The following NFAT5 variants were observed in gnomAD, a reference collection of about 807,000 sequenced individuals.
The protein encoded by NFAT5 is nuclear factor of activated T-cells 5.
In NFAT5, 31 loss-of-function variants were observed where a neutral mutation model predicts 166.5. That is an observed-to-expected ratio of 0.19 (90% confidence interval 0.14 to 0.25). NFAT5 has a LOEUF of 0.25. Among genes scored for constraint, NFAT5 ranks in the 10% least tolerant of loss-of-function variants. The pLI is 1.00. For synonymous variants in NFAT5, 612 were observed against 639.7 expected (o/e 0.96, Z 0.65); for missense variants, 1,449 against 1,821.8 (o/e 0.80, Z 3.72).
At chr16:69,658,801 T>C (rs1250027740) in intron 6 of NFAT5, among the ~76,000 whole-genome samples, 1 of 152,108 alleles carries the variant, frequency 6.6e-6, no homozygotes, top group Non-Finnish European at 1.5e-5. Context: ...CGCTCAGGCC[T>C]GGGTGACAGA....
chr16:69,624,951 G>A (rs1473039300), intron 2 of NFAT5, among the ~76,000 whole-genome samples: 1 of 150,998 alleles, frequency 6.6e-6, no homozygotes, highest in Non-Finnish European at 1.5e-5. Context: ...CCAGGCTGGA[G>A]TGCAATGGCG....
intron 5 of NFAT5, among the ~76,000 whole-genome samples, chr16:69,653,779 C>T (rs1036791647): frequency 2.6e-5 from 4 of 151,882 alleles, no homozygotes. Flanking sequence ...ACCATGTTGG[C>T]GAGACTGGTC....
At chr16:69,571,866 TCTC>T (rs1487946474) in intron 2 of NFAT5, among the ~76,000 whole-genome samples, 2 of 152,066 alleles carry the variant, frequency 1.3e-5, no homozygotes, top group Non-Finnish European at 2.9e-5. Context: ...TTCACGCCAT[TCTC>T]CTGCCTCAGC....
intron 1 of NFAT5, among the ~76,000 whole-genome samples, chr16:69,567,880 TG>T (rs1464894602): frequency 6.6e-6 from 1 of 152,230 alleles, no homozygotes; most frequent in East Asian, 1.9e-4. Flanking sequence ...TAACACCATT[TG>T]GGGAGTAATC....
In NFAT5 at chr16:69,566,032, G is replaced by A; in HGVS notation, c.-270G>A. 3.0e-6 allele frequency: 1 copy of A among 336,880 alleles called. No individual in the cohort carries two copies. Among genetic ancestry groups the A allele is most frequent in the Non-Finnish European group, 5.5e-6 (1 of 182,880 alleles). 20.9% of individuals were successfully genotyped at this position (336,880 alleles called of 1,614,324 possible). A position where few individuals can be genotyped will look rare whatever the true frequency, so the allele number is the denominator to read the frequency against. On this transcript the variant is annotated 5_prime_UTR_variant, in exon 1 of 15. Transcript: ENST00000349945. This position sits in a 1 kb window ranked among gnomAD's most constrained non-coding sequence, Gnocchi z 5.7. ...TTTTCGCTGAGGAGAAACACGAAACGGACCCTTTGGCTCTCCCCCTTCCCC... is the reference window on the plus strand; with the variant it reads ...TTTTCGCTGAGGAGAAACACGAAACAGACCCTTTGGCTCTCCCCCTTCCCC...
rs1231902580 is a variant in NFAT5 at position 69,566,002 on chromosome 16, G to A, written c.-300G>A. 1.2e-5 allele frequency: 3 copies of A among 247,202 alleles called. No homozygotes were observed. Among genetic ancestry groups the A allele is most frequent in the Admixed American group, 6.2e-5 (1 of 16,148 alleles). 15.3% of individuals were successfully genotyped at this position (247,202 alleles called of 1,614,324 possible). ...AGCGGCGGCGGCGGTGGCGGCGACC[G>A]TCAGTTTTCGCTGAGGAGAAACACG... On this transcript the variant is annotated 5_prime_UTR_variant, in exon 1 of 15. Coordinates refer to ENST00000349945, the MANE Select transcript of NFAT5 (RefSeq NM_138713.4). This position sits in a 1 kb window ranked among gnomAD's most constrained non-coding sequence, Gnocchi z 5.7.
At chr16:69,674,633 T>C (rs2036760409) in intron 9 of NFAT5, among the ~76,000 whole-genome samples, 1 of 152,216 alleles carries the variant, frequency 6.6e-6, no homozygotes, top group Non-Finnish European at 1.5e-5. Flanking sequence ...CTTAGAGTTA[T>C]GTTTTTCAAA....
intron 2 of NFAT5, among the ~76,000 whole-genome samples, chr16:69,573,730 A>G (rs1362548656): frequency 6.6e-6 from 1 of 152,180 alleles, no homozygotes; most frequent in Admixed American, 6.6e-5. Context: ...ATATAAATTC[A>G]TATTCTAATC....
Position 69,702,946 on chromosome 16 carries a change from A to G in NFAT5, c.*6595A>G, listed in dbSNP as rs1237607737. 1 of 152,650 alleles carries G rather than the reference A, an allele frequency of 6.6e-6. No individual in the cohort carries two copies. The highest frequency in any genetic ancestry group is 1.5e-5 in the Non-Finnish European group (1 of 68,046). The allele number at this position is 152,650 out of a possible 1,614,324, so 9.5% of individuals were successfully genotyped here. On this transcript the variant is annotated 3_prime_UTR_variant, in exon 15 of 15. Coordinates refer to ENST00000349945, the MANE Select transcript of NFAT5 (RefSeq NM_138713.4). Reference sequence around the variant, plus strand: ...TTGGCATTTTCCTACCACTTACTAAAAGGTTTACATTAAATGACTGATTTA... The same window carrying G: ...TTGGCATTTTCCTACCACTTACTAAGAGGTTTACATTAAATGACTGATTTA...
At chr16:69,595,377 G>A (rs144054813) in intron 2 of NFAT5, among the ~76,000 whole-genome samples, 2 of 152,112 alleles carry the variant, frequency 1.3e-5, no homozygotes, top group African/African-American at 2.4e-5. Flanking sequence ...CTGTATTCCC[G>A]AATCTGTGTC....
chr16:69,576,768 G>A (rs994742649), intron 2 of NFAT5, among the ~76,000 whole-genome samples: 1 of 152,146 alleles, frequency 6.6e-6, no homozygotes, highest in Non-Finnish European at 1.5e-5. Flanking sequence ...GGCAGGCTGA[G>A]GTGAGAGGAT....
At chr16:69,568,428 A>G in intron 1 of NFAT5, 67 bp from the exon 2 acceptor site, 2 of 1,162,720 alleles carry the variant, frequency 1.7e-6, no homozygotes, top group African/African-American at 3.1e-5. Flanking sequence ...TAAGAGATGT[A>G]TGCTATCCTT....
intron 10 of NFAT5, among the ~76,000 whole-genome samples, chr16:69,678,081 C>T (rs776709060): frequency 9.2e-5 from 14 of 151,778 alleles, no homozygotes; most frequent in Non-Finnish European, 1.5e-5. Context: ...TTGCCTGAAC[C>T]TGGGAGGTAC....
At position 69,692,973 on chromosome 16, in the gene NFAT5, A is replaced by C; in HGVS notation, c.3148A>C (p.Ser1050Arg). ...TTTTTCATCCACAAAAAGTATGATG[A>C]GTGTTCAGAATAGTGGTACCCAACA... ...NLFSSTKSMM[S>R]VQNSGTQQQG... The change falls in exon 13 of 15, where the codon AGT becomes CGT. Residue 1050 changes from serine (S) to arginine (R), a missense_variant. By Grantham distance (110) the Ser-to-Arg change is moderately radical. Around this residue, in one of 7 missense-constraint regions of NFAT5, gnomAD observed 891 missense variants for 993.0 expected, o/e 0.90. Coordinates refer to ENST00000349945, the MANE Select transcript of NFAT5 (RefSeq NM_138713.4). The C allele has an allele frequency of 6.2e-7, 1 of 1,614,168 alleles. No homozygotes were observed. Among genetic ancestry groups the C allele is most frequent in the Non-Finnish European group, 8.5e-7 (1 of 1,180,036 alleles).
intron 10 of NFAT5, among the ~76,000 whole-genome samples, chr16:69,682,692 G>A (rs1188029314): frequency 6.6e-6 from 1 of 151,824 alleles, no homozygotes; most frequent in Admixed American, 6.6e-5. Context: ...TTTTTTCAAG[G>A]ATTAGCTTAT....
At chr16:69,622,683 G>A (rs2034252220) in intron 2 of NFAT5, among the ~76,000 whole-genome samples, 1 of 152,070 alleles carries the variant, frequency 6.6e-6, no homozygotes, top group South Asian at 2.1e-4. Flanking sequence ...TGGAGAAATG[G>A]AGATAAAATC....
chr16:69,613,208 T>G (rs1445241133), intron 2 of NFAT5, among the ~76,000 whole-genome samples: 3 of 152,244 alleles, frequency 2.0e-5, no homozygotes, highest in Non-Finnish European at 2.9e-5. Context: ...TTTAAATTCG[T>G]AGCCTATTGA....
At chr16:69,645,121 A>G (rs759471911) in intron 3 of NFAT5, among the ~76,000 whole-genome samples, 1 of 152,246 alleles carries the variant, frequency 6.6e-6, no homozygotes, top group Non-Finnish European at 1.5e-5. Flanking sequence ...AAGGAAAAAA[A>G]TTATATTTAA....
chr16:69,689,253 C>T (rs926953853), intron 11 of NFAT5, among the ~76,000 whole-genome samples: 2 of 152,066 alleles, frequency 1.3e-5, no homozygotes, highest in African/African-American at 4.8e-5. Context: ...CTCCCACCAA[C>T]AGAGAGAGAC....
Sources: gnomAD v4.1 joint callset for allele counts (sites outside exome capture counted in the v4.1 genomes callset) on GRCh38, gnomAD v4.1.1 for gene constraint, gnomAD v4.1.1 regional missense constraint, Gnocchi (gnomAD v3.1) non-coding constraint, MANE v1.5 for transcripts, NCBI Gene and HGNC (gene_info 2026-07-23, HGNC 2026-07-21) for gene names.